KCNMB2: variants seen among roughly 807,000 people sequenced by gnomAD.
KCNMB2 encodes the protein calcium-activated potassium channel subunit beta-2.
Under a neutral mutation model 24.5 loss-of-function variants are expected in KCNMB2, and 9 were observed. The ratio of observed to expected loss-of-function variants is 0.37; its 90% CI spans 0.22 to 0.64. KCNMB2 has a LOEUF of 0.64. KCNMB2 is among the 30% of genes least tolerant of loss of function. KCNMB2 has a pLI of 0.63. For synonymous variants in KCNMB2, 109 were observed against 104.4 expected (o/e 1.04, Z -0.27); for missense variants, 226 against 284.3 (o/e 0.79, Z 1.47).
chr3:178,753,938 T>C (rs1723933112), intron 1 of KCNMB2, among the ~76,000 whole-genome samples: 1 of 150,846 alleles, frequency 6.6e-6, no homozygotes. Flanking sequence ...CAAACATTTC[T>C]CCATTCTCTT....
At chr3:178,660,091 G>A (rs9864924) in intron 1 of KCNMB2, among the ~76,000 whole-genome samples, 69,884 of 151,830 alleles carry the variant, frequency 0.46, 16,100 homozygotes, top group Middle Eastern at 0.57. Context: ...CCAAGCAAAA[G>A]GAGCATAAAT....
chr3:178,699,031 G>A (rs1285160094), intron 1 of KCNMB2, among the ~76,000 whole-genome samples: 6 of 152,234 alleles, frequency 3.9e-5, no homozygotes, highest in South Asian at 2.1e-4. Flanking sequence ...GCTAGCAGAC[G>A]CAGGGCTGCC....
intron 1 of KCNMB2, among the ~76,000 whole-genome samples, chr3:178,676,243 A>T (rs899166776): frequency 6.6e-6 from 1 of 152,180 alleles, no homozygotes; most frequent in African/African-American, 2.4e-5. Flanking sequence ...CAGAGCCTGG[A>T]CGCACACCAG....
chr3:178,741,758 C>G lies in KCNMB2; in HGVS notation c.-67-65585C>G, dbSNP rs137871934. Among the ~76,000 whole-genome samples, 726 of 152,282 alleles carry G rather than the reference C, an allele frequency of 4.8e-3. 5 individuals are homozygous for G. The Middle Eastern group carries it at 0.068, about 14-fold the overall frequency. On this transcript the variant is annotated intron_variant, in intron 1 of 4. Transcript: ENST00000452583. ...TGAGACCCCCAGCCTAGTGTGTAGT[C>G]TGGTCAACAACAGACCTTAGTAGAT...
intron 1 of KCNMB2, among the ~76,000 whole-genome samples, chr3:178,592,522 T>C (rs986043907): frequency 5.9e-5 from 9 of 152,156 alleles, no homozygotes; most frequent in Non-Finnish European, 1.2e-4. Flanking sequence ...ATAATTGTAT[T>C]TGCAATTATT....
chr3:178,546,955 T>C (rs1221189797), intron 1 of KCNMB2, among the ~76,000 whole-genome samples: 1 of 152,214 alleles, frequency 6.6e-6, no homozygotes, highest in Non-Finnish European at 1.5e-5. Context: ...CAGAAGAATA[T>C]GTGTCTGGAA....
At chr3:178,557,004 T>G (rs1336351726) in intron 1 of KCNMB2, among the ~76,000 whole-genome samples, 1 of 152,158 alleles carries the variant, frequency 6.6e-6, no homozygotes, top group African/African-American at 2.4e-5. Flanking sequence ...AGGATAATAA[T>G]AGCCTAAACA....
intron 1 of KCNMB2, among the ~76,000 whole-genome samples, chr3:178,699,342 G>A (rs1722000341): frequency 6.6e-6 from 1 of 152,210 alleles, no homozygotes. Context: ...GTGAAGGGGA[G>A]TGGACTGCAC....
intron 1 of KCNMB2, among the ~76,000 whole-genome samples, chr3:178,604,402 TAAAA>T (rs5854815): frequency 1.4e-5 from 2 of 146,066 alleles, no homozygotes; most frequent in African/African-American, 2.5e-5. Flanking sequence ...TGAAGTGGTT[TAAAA>T]AAAAAAAAAA....
At chr3:178,829,431 T>C (rs61798136) in intron 4 of KCNMB2, among the ~76,000 whole-genome samples, 18,174 of 152,240 alleles carry the variant, frequency 0.12, 1,484 homozygotes, top group Non-Finnish European at 0.18. Flanking sequence ...GAACTTTTGT[T>C]ACAATAACTT....
rs538459961 is a variant in KCNMB2 at position 178,837,580 on chromosome 3, T to C, written c.424-5073T>C. On this transcript the variant is annotated intron_variant, in intron 4 of 4. Transcript: ENST00000452583. ...AGTGACAGCTGGTTTATATGTATGT[T>C]GAAAAATGACAAGATGAGAAAGAGC... 1.3e-4 allele frequency among the ~76,000 whole-genome samples: 20 copies of C among 152,300 alleles called. 2 individuals are homozygous for C. The South Asian group carries it at 3.9e-3, about 30-fold the overall frequency.
chr3:178,844,412 T>G lies in KCNMB2; in HGVS notation c.*1475T>G, dbSNP rs1337912129. ...CAGGACTTCAAATGTGTAATTAAAT[T>G]TTTTTAAAAAAAATCTATTAAATTG... On this transcript the variant is annotated 3_prime_UTR_variant, in exon 5 of 5. Transcript: ENST00000452583. 1 of 152,242 alleles carries G rather than the reference T, an allele frequency of 6.6e-6. No individual in the cohort carries two copies. The highest frequency in any genetic ancestry group is 1.5e-5 in the Non-Finnish European group (1 of 67,930). The allele number at this position is 152,242 out of a possible 1,614,324, so 9.4% of individuals were successfully genotyped here.
intron 1 of KCNMB2, among the ~76,000 whole-genome samples, chr3:178,630,301 A>G (rs1266184868): frequency 6.6e-6 from 1 of 152,208 alleles, no homozygotes; most frequent in East Asian, 1.9e-4. Context: ...AAATAAGCAT[A>G]CAATCTAAAT....
intron 1 of KCNMB2, chr3:178,757,185 C>CA (rs200573991): frequency 0.097 from 11,178 of 114,710 alleles, 589 homozygotes; most frequent in African/African-American, 0.17. Context: ...GAAGTAAAAC[C>CA]AAAAAAAAAA....
chr3:178,597,158 T>C (rs1424381164), intron 1 of KCNMB2, among the ~76,000 whole-genome samples: 2 of 152,164 alleles, frequency 1.3e-5, no homozygotes, highest in African/African-American at 4.8e-5. Flanking sequence ...ATTCACACCC[T>C]GACATTCTTA....
intron 1 of KCNMB2, among the ~76,000 whole-genome samples, chr3:178,664,925 T>G (rs975707477): frequency 6.6e-6 from 1 of 152,134 alleles, no homozygotes; most frequent in East Asian, 1.9e-4. Context: ...AAGGAAATAA[T>G]TTTAATAAAA....
At position 178,760,397 on chromosome 3, in the gene KCNMB2, TC is replaced by T. The variant is rs1189689534; in HGVS notation, c.-67-46944del. ...TATATATATTATATATATATCCATA[TC>T]CAAGATATATATATTATATATATAT... is the stretch of plus-strand genomic sequence containing the variant. On this transcript the variant is annotated intron_variant, in intron 1 of 4. Coordinates refer to ENST00000452583, the MANE Select transcript of KCNMB2 (RefSeq NM_181361.3). 2.1e-4 allele frequency among the ~76,000 whole-genome samples: 29 copies of T among 136,148 alleles called. 2 individuals are homozygous for T. Among genetic ancestry groups the T allele is most frequent in the African/African-American group, 6.8e-4 (24 of 35,530 alleles). 89.3% of individuals were successfully genotyped at this position (136,148 alleles called of 152,430 possible).
chr3:178,824,087 G>GCAGGAATTCCTGAGCATTGCCTTCCTA (rs1459357109), intron 2 of KCNMB2, among the ~76,000 whole-genome samples: 2 of 152,132 alleles, frequency 1.3e-5, no homozygotes, highest in Admixed American at 6.5e-5. Context: ...CACAGGCCTT[G>GCAGGAATTCCTGAGCATTGCCTTCCTA]CAGGAATTCC....
At position 178,825,861 on chromosome 3, in the gene KCNMB2, T is replaced by C. The variant is rs1006056830; in HGVS notation, c.227+103T>C. 8 of 836,900 alleles carry C rather than the reference T, an allele frequency of 9.6e-6. No individual in the cohort carries two copies. In the African/African-American group the frequency reaches 1.4e-4, roughly 14 times the overall value. The allele number at this position is 836,900 out of a possible 1,614,324, so 51.8% of individuals were successfully genotyped here. A position where few individuals can be genotyped will look rare whatever the true frequency, so the allele number is the denominator to read the frequency against. On this transcript the variant is annotated intron_variant, in intron 3 of 4. Coordinates refer to ENST00000452583, the MANE Select transcript of KCNMB2 (RefSeq NM_181361.3). Reference sequence around the variant, plus strand: ...TCATCTTCCTCACCTTCTTTCCTGATAAGAACTTTGAGAAGTTCCTGGTAA... The same window carrying C: ...TCATCTTCCTCACCTTCTTTCCTGACAAGAACTTTGAGAAGTTCCTGGTAA...
Sources: allele counts gnomAD v4.1 joint callset (sites outside exome capture counted in the v4.1 genomes callset), GRCh38; gene constraint gnomAD v4.1.1; transcripts MANE v1.5; gene names NCBI Gene and HGNC (gene_info 2026-07-23, HGNC 2026-07-21).